The following TJP1 variants were observed in gnomAD, a reference collection of about 807,000 sequenced individuals.
The protein encoded by TJP1 is tight junction protein ZO-1.
In TJP1, 43 loss-of-function variants were observed where a neutral mutation model predicts 194.2. That is an observed-to-expected ratio of 0.22 (90% confidence interval 0.17 to 0.29). TJP1 has a LOEUF of 0.29. Ranked by LOEUF, TJP1 falls within the 10% of genes least tolerant of loss-of-function variation. The probability of loss-of-function intolerance (pLI) is 1.00; values close to 1 mark genes in which losing one functional copy is unlikely to be tolerated. For missense variants in TJP1, 1,971 were observed against 2,185.7 expected, an observed-to-expected ratio of 0.90 and a Z score of 1.96; for synonymous variants, 801 against 779.0, an observed-to-expected ratio of 1.03 and a Z score of -0.47.
chr15:29,733,620 C>A (rs1201203071), intron 12 of TJP1, among the ~76,000 whole-genome samples: 1 of 152,208 alleles, frequency 6.6e-6, no homozygotes, highest in Non-Finnish European at 1.5e-5. Context: ...ATATCTAAAT[C>A]AGCAGTTCTC....
At chr15:29,852,568 C>T (rs552119302) in intron 2 of TJP1, among the ~76,000 whole-genome samples, 3 of 152,292 alleles carry the variant, frequency 2.0e-5, no homozygotes, top group South Asian at 2.1e-4. Context: ...CCAAAACACG[C>T]AATTACCATA....
chr15:29,921,639 C>T (rs1328791129), intron 2 of TJP1, among the ~76,000 whole-genome samples: 1 of 152,168 alleles, frequency 6.6e-6, no homozygotes, highest in East Asian at 1.9e-4. Context: ...CTCTTTTCCA[C>T]CGCTGCATCT....
At chr15:29,799,000 G>A (rs147615866) in intron 2 of TJP1, among the ~76,000 whole-genome samples, 7 of 152,178 alleles carry the variant, frequency 4.6e-5, no homozygotes, top group African/African-American at 1.7e-4. Context: ...GACGTGAGGG[G>A]ACCGGGATGA....
chr15:29,894,064 T>C (rs1386894893), intron 2 of TJP1, among the ~76,000 whole-genome samples: 1 of 152,198 alleles, frequency 6.6e-6, no homozygotes. Context: ...TTTTTACTGG[T>C]GATTTCATTA....
At chr15:29,949,755 TCAC>T (rs1479839877) in intron 2 of TJP1, among the ~76,000 whole-genome samples, 6 of 14,936 alleles carry the variant, frequency 4.0e-4, no homozygotes, top group African/African-American at 1.5e-3. Context: ...ACCTCCACTT[TCAC>T]CACCACTACC....
chr15:29,958,176 C>A (rs2056016693), intron 1 of TJP1, among the ~76,000 whole-genome samples: 1 of 152,032 alleles, frequency 6.6e-6, no homozygotes, highest in Admixed American at 6.6e-5. Flanking sequence ...AAATATTTTA[C>A]CTTAAATGCC....
chr15:29,821,124 T>C (rs886682485), intron 1 of TJP1, among the ~76,000 whole-genome samples: 5 of 152,212 alleles, frequency 3.3e-5, no homozygotes, highest in African/African-American at 7.2e-5. Flanking sequence ...TATTTTATGA[T>C]GAAAAAATTA....
At chr15:29,729,289 G>C (rs1258925687) in intron 15 of TJP1, 1 of 152,074 alleles carries the variant, frequency 6.6e-6, no homozygotes, top group Non-Finnish European at 1.5e-5. Flanking sequence ...AACACAGTAA[G>C]ACCTTGTCTC....
intron 8 of TJP1, among the ~76,000 whole-genome samples, chr15:29,754,535 T>C (rs2045518088): frequency 6.6e-6 from 1 of 151,836 alleles, no homozygotes; most frequent in African/African-American, 2.4e-5. Flanking sequence ...AAAAAGAAAT[T>C]CACTAGTCAG....
intron 2 of TJP1, among the ~76,000 whole-genome samples, chr15:29,948,659 C>T (rs757422275): frequency 1.3e-5 from 2 of 152,106 alleles, no homozygotes; most frequent in African/African-American, 2.4e-5. Context: ...AGGAAGCCTA[C>T]GCAGAGGAGG....
intron 2 of TJP1, among the ~76,000 whole-genome samples, chr15:29,883,881 G>A (rs2053024197): frequency 6.6e-6 from 1 of 152,080 alleles, no homozygotes; most frequent in South Asian, 2.1e-4. Flanking sequence ...TTTACACAGG[G>A]TTTGACAGTC....
At chr15:29,818,112 T>A (rs1044146371) in intron 1 of TJP1, among the ~76,000 whole-genome samples, 2 of 152,186 alleles carry the variant, frequency 1.3e-5, no homozygotes, top group Admixed American at 1.3e-4. Context: ...ATCATTTTCA[T>A]ACTTACATTA....
At chr15:29,744,080 G>A (rs1199732094) in intron 8 of TJP1, among the ~76,000 whole-genome samples, 4 of 152,192 alleles carry the variant, frequency 2.6e-5, no homozygotes, top group South Asian at 2.1e-4. Flanking sequence ...TCGTGAGGCT[G>A]AGGCAGGAGA....
chr15:29,921,349 A>G (rs1379228958), intron 2 of TJP1, among the ~76,000 whole-genome samples: 1 of 152,192 alleles, frequency 6.6e-6, no homozygotes, highest in East Asian at 1.9e-4. Context: ...TCAGGAAGGT[A>G]TCTACACCTA....
At chr15:29,960,763 C>A (rs2056126977) in intron 1 of TJP1, among the ~76,000 whole-genome samples, 2 of 152,124 alleles carry the variant, frequency 1.3e-5, no homozygotes, top group South Asian at 4.1e-4. Flanking sequence ...TTTAACCAGG[C>A]TTCTACAGAG....
chr15:29,758,001 T>C (rs2045756208), intron 8 of TJP1, among the ~76,000 whole-genome samples: 1 of 152,224 alleles, frequency 6.6e-6, no homozygotes, highest in South Asian at 2.1e-4. Context: ...ACCTTTATGA[T>C]GATCCACTTT....
chr15:29,902,407 T>C (rs1270073492), intron 2 of TJP1, among the ~76,000 whole-genome samples: 1 of 152,062 alleles, frequency 6.6e-6, no homozygotes, highest in Non-Finnish European at 1.5e-5. Flanking sequence ...CTCAACTATA[T>C]GAAAATCAAT....
intron 2 of TJP1, among the ~76,000 whole-genome samples, chr15:29,896,059 A>G (rs971780713): frequency 1.3e-5 from 2 of 152,172 alleles, no homozygotes; most frequent in Non-Finnish European, 2.9e-5. Flanking sequence ...TCACCTCCAA[A>G]AAGGCCCCAT....
intron 2 of TJP1, among the ~76,000 whole-genome samples, chr15:29,782,890 T>C (rs1325486085): frequency 6.3e-5 from 4 of 63,564 alleles, no homozygotes; most frequent in Admixed American, 5.9e-4. Context: ...GAACAGACAC[T>C]TTTCAAAAAA....
Sources: allele counts gnomAD v4.1 joint callset (sites outside exome capture counted in the v4.1 genomes callset), GRCh38; gene constraint gnomAD v4.1.1; transcripts MANE v1.5; gene names NCBI Gene and HGNC (gene_info 2026-07-23, HGNC 2026-07-21).